TMCO4: variants seen among roughly 807,000 people sequenced by gnomAD.
The protein encoded by TMCO4 is transmembrane and coiled-coil domains 4, also known as transmembrane and coiled-coil domain-containing protein 4.
TMCO4 carries 58 observed loss-of-function variants against 64.7 expected under a neutral mutation model. That is an observed-to-expected ratio of 0.90 (90% confidence interval 0.73 to 1.12). TMCO4 has a LOEUF of 1.12. Among genes scored for constraint, TMCO4 ranks in the 50% most tolerant of loss-of-function variants. The pLI, the probability that TMCO4 is intolerant of heterozygous loss-of-function variation, is 0.00. For missense variants in TMCO4, 780 were observed against 825.9 expected, an observed-to-expected ratio of 0.94 and a Z score of 0.68; for synonymous variants, 325 against 346.1, an observed-to-expected ratio of 0.94 and a Z score of 0.68.
chr1:19,701,371 C>T (rs2095271519), intron 13 of TMCO4, among the ~76,000 whole-genome samples: 1 of 152,124 alleles, frequency 6.6e-6, no homozygotes, highest in African/African-American at 2.4e-5. Flanking sequence ...GGGGTTTTAC[C>T]ATGTTGGCCA....
At chr1:19,779,647 T>C (rs778544499) in intron 4 of TMCO4, among the ~76,000 whole-genome samples, 17 of 152,166 alleles carry the variant, frequency 1.1e-4, no homozygotes, top group Non-Finnish European at 2.1e-4. Context: ...CCTGTTACAA[T>C]CAGCCACCTG....
chr1:19,716,608 C>G (rs185701347), intron 13 of TMCO4, among the ~76,000 whole-genome samples: 7 of 152,024 alleles, frequency 4.6e-5, no homozygotes, highest in African/African-American at 1.4e-4. Context: ...GTGTGGGTGT[C>G]AGACAGGTAA....
chr1:19,718,937 C>G (rs1368282962), intron 13 of TMCO4, among the ~76,000 whole-genome samples: 1 of 152,142 alleles, frequency 6.6e-6, no homozygotes, highest in East Asian at 1.9e-4. Flanking sequence ...TCCCATGAAG[C>G]AACTGCTAAC....
At chr1:19,748,817 C>G (rs1426491645) in intron 7 of TMCO4, among the ~76,000 whole-genome samples, 1 of 141,820 alleles carries the variant, frequency 7.1e-6, no homozygotes, top group Non-Finnish European at 1.6e-5. Flanking sequence ...GAGTGAGACC[C>G]TGTCTCGAAT....
chr1:19,683,104 G>T lies in TMCO4; in HGVS notation c.1841C>A (p.Pro614His). ...RPPICSHGMD[P>H]NPLGCPDCAC... ...ACAATCGGGGCAGCCCAGTGGGTTG[G>T]GGTCCATGCCATGGCTGCAGATGGG... Residue 614 changes from proline to histidine, a missense_variant, in exon 16 of 16, where the codon CCC becomes CAC. Physicochemically the swap from Pro to His is moderately conservative, Grantham distance 77. Coordinates refer to ENST00000294543, the MANE Select transcript of TMCO4 (RefSeq NM_181719.7). The T allele has an allele frequency of 6.2e-7, 1 of 1,612,252 alleles. No homozygotes were observed. The highest frequency in any genetic ancestry group is 1.3e-5 in the African/African-American group (1 of 75,052).
intron 2 of TMCO4, among the ~76,000 whole-genome samples, chr1:19,788,209 G>C (rs1410567561): frequency 6.6e-6 from 1 of 152,186 alleles, no homozygotes; most frequent in East Asian, 1.9e-4. Context: ...CCTAAAAACT[G>C]AATATTCACA....
intron 13 of TMCO4, among the ~76,000 whole-genome samples, chr1:19,710,587 C>T (rs567741947): frequency 1.1e-4 from 16 of 152,250 alleles, no homozygotes; most frequent in Admixed American, 3.3e-4. Flanking sequence ...GCCTCCGACA[C>T]GCCAAGTAAT....
chr1:19,791,029 G>A (rs1216776278), intron 2 of TMCO4, among the ~76,000 whole-genome samples: 2 of 152,180 alleles, frequency 1.3e-5, no homozygotes, highest in Non-Finnish European at 2.9e-5. Context: ...GGAGCTGGGA[G>A]CCATTATCCT....
At chr1:19,709,224 C>T (rs2095317629) in intron 13 of TMCO4, among the ~76,000 whole-genome samples, 1 of 151,712 alleles carries the variant, frequency 6.6e-6, no homozygotes, top group South Asian at 2.1e-4. Flanking sequence ...CATCTCTCCT[C>T]TTTGATTCCC....
intron 15 of TMCO4, among the ~76,000 whole-genome samples, chr1:19,686,686 C>G (rs1467906776): frequency 6.6e-6 from 1 of 152,168 alleles, no homozygotes; most frequent in East Asian, 1.9e-4. Context: ...CAGCAGGACA[C>G]ATATTTAGTG....
At chr1:19,760,544 G>C (rs932260755) in intron 6 of TMCO4, among the ~76,000 whole-genome samples, 2 of 152,168 alleles carry the variant, frequency 1.3e-5, no homozygotes, top group Admixed American at 1.3e-4. Flanking sequence ...AGCCTCCTGA[G>C]CAGTTGGGAC....
chr1:19,767,038 TC>T (rs1159784964), intron 6 of TMCO4, among the ~76,000 whole-genome samples: 1 of 152,200 alleles, frequency 6.6e-6, no homozygotes, highest in Non-Finnish European at 1.5e-5. Flanking sequence ...CAAAGGCACC[TC>T]CCAGGCATTA....
At chr1:19,696,200 A>C (rs1166813082) in intron 14 of TMCO4, among the ~76,000 whole-genome samples, 1 of 152,180 alleles carries the variant, frequency 6.6e-6, no homozygotes, top group African/African-American at 2.4e-5. Flanking sequence ...CCAGAGAGCA[A>C]TGCTTTCAGG....
intron 7 of TMCO4, among the ~76,000 whole-genome samples, chr1:19,754,263 G>T (rs1010477326): frequency 3.3e-5 from 5 of 152,148 alleles, no homozygotes; most frequent in African/African-American, 4.8e-5. Flanking sequence ...TAACTGAGAG[G>T]TTCCTTAATT....
intron 2 of TMCO4, among the ~76,000 whole-genome samples, chr1:19,795,185 T>C (rs562244894): frequency 6.8e-6 from 1 of 147,820 alleles, no homozygotes; most frequent in Non-Finnish European, 1.5e-5. Flanking sequence ...AAAAAAAAAA[T>C]AGGGGCCGGA....
At chr1:19,685,683 G>C (rs1451471823) in intron 15 of TMCO4, among the ~76,000 whole-genome samples, 1 of 150,230 alleles carries the variant, frequency 6.7e-6, no homozygotes, top group East Asian at 2.0e-4. Flanking sequence ...AACTTGGCAG[G>C]GCTGGGATTT....
rs148142888 is a variant in TMCO4, at chr1:19,791,202, A to G, written c.-100-4085T>C. ...GAGCATTAGGAAAAACAGCTAATGC[A>G]TGCTTGGCTCAATACCTAGGTGATG... On this transcript the variant is annotated intron_variant, in intron 2 of 15. Transcript: ENST00000294543. Among the ~76,000 whole-genome samples the G allele has an allele frequency of 1.6e-4, 24 of 152,288 alleles. No homozygotes were observed. In the East Asian group the frequency reaches 4.4e-3, roughly 28 times the overall value.
chr1:19,767,632 G>A (rs1388031360), intron 6 of TMCO4, among the ~76,000 whole-genome samples: 2 of 152,136 alleles, frequency 1.3e-5, no homozygotes, highest in Admixed American at 6.5e-5. Context: ...GTTAGATTCC[G>A]GGGCCAAGGC....
intron 15 of TMCO4, among the ~76,000 whole-genome samples, chr1:19,687,802 C>T (rs2095161506): frequency 6.6e-6 from 1 of 152,186 alleles, no homozygotes; most frequent in Admixed American, 6.5e-5. Context: ...CAGCTGATAC[C>T]AGATGGAAAT....
Sources: allele counts gnomAD v4.1 joint callset (sites outside exome capture counted in the v4.1 genomes callset), GRCh38; gene constraint gnomAD v4.1.1; transcripts MANE v1.5; gene names NCBI Gene and HGNC (gene_info 2026-07-23, HGNC 2026-07-21).